NAV1: variants seen among roughly 807,000 people sequenced by gnomAD.
NAV1 encodes the protein pore membrane and/or filament interacting like protein 3.
NAV1 carries 18 observed loss-of-function variants against 175.2 expected under a neutral mutation model. That is an observed-to-expected ratio of 0.10 (90% CI 0.07 to 0.15). NAV1 has a LOEUF of 0.15. Ranked by LOEUF, NAV1 falls within the 10% of genes least tolerant of loss-of-function variation. The probability of loss-of-function intolerance (pLI) is 1.00; values close to 1 mark genes in which losing one functional copy is unlikely to be tolerated. For synonymous variants in NAV1, 897 were observed against 978.7 expected (o/e 0.92, Z 1.56); for missense variants, 1,731 against 2,436.6 (o/e 0.71, Z 6.10).
chr1:201,742,129 A>G (rs779945912), intron 3 of NAV1, among the ~76,000 whole-genome samples: 2 of 152,248 alleles, frequency 1.3e-5, no homozygotes, highest in African/African-American at 4.8e-5. Flanking sequence ...CACTTCACAT[A>G]TAAAATTTAA....
chr1:201,780,613 A>T, intron 4 of NAV1, 54 bp downstream of exon 8: 2 of 1,610,820 alleles, frequency 1.2e-6, no homozygotes, highest in South Asian at 1.1e-5. Context: ...CCACAGGGCA[A>T]ATGGCATTAT....
chr1:201,734,493 G>GAGGAGGAGGA (rs1553261646), intron 3 of NAV1, among the ~76,000 whole-genome samples: 1 of 71,628 alleles, frequency 1.4e-5, no homozygotes, highest in African/African-American at 7.1e-5. Flanking sequence ...GAGGAAGAAG[G>GAGGAGGAGGA]AGAAGGAGAA....
intron 1 of NAV1, among the ~76,000 whole-genome samples, chr1:201,626,338 G>A (rs939602144): frequency 3.3e-5 from 5 of 152,210 alleles, no homozygotes; most frequent in African/African-American, 9.7e-5. Context: ...GTGGAATGCA[G>A]AAGCAGAGGT....
intron 2 of NAV1, among the ~76,000 whole-genome samples, chr1:201,615,658 C>G (rs890301785): frequency 6.6e-6 from 1 of 152,208 alleles, no homozygotes; most frequent in Non-Finnish European, 1.5e-5. Context: ...AACCCTATGA[C>G]TACTTATTGC....
At chr1:201,759,700 C>A (rs1674723311) in intron 3 of NAV1, among the ~76,000 whole-genome samples, 1 of 152,202 alleles carries the variant, frequency 6.6e-6, no homozygotes, top group African/African-American at 2.4e-5. Flanking sequence ...CAGCATCTTT[C>A]CACAGAGCAG....
intron 1 of NAV1, among the ~76,000 whole-genome samples, chr1:201,696,600 A>G (rs549762866): frequency 1.0e-3 from 155 of 152,256 alleles, no homozygotes; most frequent in African/African-American, 3.7e-3. Context: ...TCTGTATCTC[A>G]TTCATTGCCT....
At chr1:201,759,302 G>A (rs1010130916) in intron 3 of NAV1, among the ~76,000 whole-genome samples, 1 of 152,202 alleles carries the variant, frequency 6.6e-6, no homozygotes, top group Non-Finnish European at 1.5e-5. Flanking sequence ...AGTTAGTGAA[G>A]AAGTGGAGAA....
chr1:201,698,184 A>G (rs930136531), intron 1 of NAV1, among the ~76,000 whole-genome samples: 1 of 152,146 alleles, frequency 6.6e-6, no homozygotes, highest in African/African-American at 2.4e-5. Flanking sequence ...GGTCAGATTC[A>G]TTCTTTCCCT....
exon 1 of NAV1, chr1:201,648,607 C>T (rs916406416): frequency 3.9e-6 from 5 of 1,286,464 alleles, no homozygotes; most frequent in Non-Finnish European, 4.9e-6. Context: ...CGCTCCCGCC[C>T]CCTGCCCCCT....
At chr1:201,627,335 C>T (rs950346322) in intron 1 of NAV1, among the ~76,000 whole-genome samples, 3 of 151,934 alleles carry the variant, frequency 2.0e-5, no homozygotes, top group South Asian at 2.1e-4. Flanking sequence ...TGCAGTAGCA[C>T]GATCTCGGCT....
intron 1 of NAV1, among the ~76,000 whole-genome samples, chr1:201,549,631 A>G (rs568112728): frequency 2.4e-4 from 37 of 152,092 alleles, no homozygotes; most frequent in Non-Finnish European, 4.9e-4. Flanking sequence ...ATTTACTGAT[A>G]ATCTTTAAGC....
intron 1 of NAV1, among the ~76,000 whole-genome samples, chr1:201,586,144 A>C (rs752400583): frequency 6.6e-6 from 1 of 152,174 alleles, no homozygotes; most frequent in Non-Finnish European, 1.5e-5. Flanking sequence ...AGAGGAAGGA[A>C]ATTCTCATAT....
intron 1 of NAV1, among the ~76,000 whole-genome samples, chr1:201,551,566 G>A (rs918662674): frequency 3.9e-5 from 6 of 152,078 alleles, no homozygotes; most frequent in Non-Finnish European, 8.8e-5. Flanking sequence ...CTTAACCACA[G>A]ACATCATGTC....
At chr1:201,770,015 G>A (rs1675472724) in intron 3 of NAV1, among the ~76,000 whole-genome samples, 1 of 152,228 alleles carries the variant, frequency 6.6e-6, no homozygotes, top group African/African-American at 2.4e-5. Flanking sequence ...TCACAAGCTG[G>A]TCCACTCTTC....
In NAV1 at chr1:201,740,411, T is replaced by C. The variant is rs551194165; in HGVS notation, c.1226+21656T>C. On this transcript the variant is annotated intron_variant, in intron 3 of 29. Coordinates refer to ENST00000367296, the Ensembl canonical transcript of NAV1. The surrounding 1 kb of genome is among the most constrained non-coding windows in gnomAD (Gnocchi z 4.7). ...GACGGAGCTGAGACAATAGCGCAAC[T>C]TGATTGAACTTCGATGGTTGCGGCT... Among the ~76,000 whole-genome samples, 1 of 152,096 alleles carries C rather than the reference T, an allele frequency of 6.6e-6. No individual in the cohort carries two copies. The highest frequency in any genetic ancestry group is 1.5e-5 in the Non-Finnish European group (1 of 68,016).
chr1:201,688,024 T>G (rs183832468), intron 1 of NAV1, among the ~76,000 whole-genome samples: 49 of 152,384 alleles, frequency 3.2e-4, no homozygotes, highest in Admixed American at 1.4e-3. Flanking sequence ...ACAATGCAGA[T>G]GATTACATGT....
intron 2 of NAV1, among the ~76,000 whole-genome samples, chr1:201,611,578 TGACTTGG>T (rs1409979473): frequency 6.6e-6 from 1 of 152,196 alleles, no homozygotes; most frequent in Non-Finnish European, 1.5e-5. Context: ...CTCAGTGGTG[TGACTTGG>T]GACAAGTTAC....
At chr1:201,653,500 G>T (rs530635773) in intron 1 of NAV1, among the ~76,000 whole-genome samples, 31 of 152,086 alleles carry the variant, frequency 2.0e-4, no homozygotes, top group South Asian at 1.7e-3. Context: ...TGAATTTTTT[G>T]GGGGGGAGGG....
intron 2 of NAV1, among the ~76,000 whole-genome samples, chr1:201,638,200 G>T (rs559830775): frequency 6.6e-6 from 1 of 152,208 alleles, no homozygotes; most frequent in Non-Finnish European, 1.5e-5. Context: ...AACCCCCAAG[G>T]CTTGACATTA....
Sources: allele counts gnomAD v4.1 joint callset (sites outside exome capture counted in the v4.1 genomes callset), GRCh38; gene constraint gnomAD v4.1.1; non-coding constraint Gnocchi (gnomAD v3.1); transcripts MANE v1.5; gene names NCBI Gene and HGNC (gene_info 2026-07-23, HGNC 2026-07-21).